Variants in EPHA6 observed in about 807,000 individuals in gnomAD.
The protein encoded by EPHA6 is EPH receptor A6.
A neutral mutation model predicts 112.0 loss-of-function variants in EPHA6; 50 were observed. The observed-to-expected ratio is 0.45, with a 90% CI of 0.36 to 0.56. The LOEUF is 0.56. Among genes scored for constraint, EPHA6 ranks in the 20% least tolerant of loss-of-function variants. The pLI, the probability that EPHA6 is intolerant of heterozygous loss-of-function variation, is 0.00. For missense variants in EPHA6, 1,280 were observed against 1,417.4 expected, an observed-to-expected ratio of 0.90 and a Z score of 1.56; for synonymous variants, 529 against 490.7, an observed-to-expected ratio of 1.08 and a Z score of -1.03.
At chr3:97,507,849 A>G (rs2092286221) in intron 10 of EPHA6, among the ~76,000 whole-genome samples, 2 of 151,934 alleles carry the variant, frequency 1.3e-5, no homozygotes, top group Admixed American at 1.3e-4. Context: ...CTTGTTATTG[A>G]TCTATTCAGG....
intron 3 of EPHA6, among the ~76,000 whole-genome samples, chr3:97,213,793 A>G (rs2077947321): frequency 6.6e-6 from 1 of 152,164 alleles, no homozygotes; most frequent in Non-Finnish European, 1.5e-5. Context: ...TGCTTACTCT[A>G]TCCTTTCTGG....
At chr3:97,326,181 T>TA (rs1020220793) in intron 5 of EPHA6, among the ~76,000 whole-genome samples, 20 of 151,572 alleles carry the variant, frequency 1.3e-4, no homozygotes, top group African/African-American at 2.4e-4. Flanking sequence ...GCACAAAAAA[T>TA]AAAAAAAATC....
At position 96,931,018 on chromosome 3, in the gene EPHA6, A is replaced by AAAAAAAAAAAAAAAAAAAAAG. The variant is rs796531853; in HGVS notation, c.451-56309_451-56308insAAAAAAAAAAAAAAAAAGAAA. Among the ~76,000 whole-genome samples, 9 of 84,562 alleles carry AAAAAAAAAAAAAAAAAAAAAG rather than the reference A, an allele frequency of 1.1e-4. 1 individual carries two copies. The highest frequency in any genetic ancestry group is 3.8e-4 in the African/African-American group (9 of 23,662). 55.5% of individuals were successfully genotyped at this position (84,562 alleles called of 152,430 possible). A position where few individuals can be genotyped will look rare whatever the true frequency, so the allele number is the denominator to read the frequency against. ...AAAAAAAAAAAAAAAAAAAAAAAAAAAAAGAAAAGCTTTCTGGCTGCTTTT... is the reference window on the plus strand; with the variant it reads ...AAAAAAAAAAAAAAAAAAAAAAAAAAAAAAAAAAAAAAAAAAAAAAGAAAGAAAAGCTTTCTGGCTGCTTTT... On this transcript the variant is annotated intron_variant, in intron 2 of 17. Transcript: ENST00000389672.
Position 97,009,988 on chromosome 3 carries a change from T to C in EPHA6, c.1114+21995T>C, listed in dbSNP as rs1297884017. On this transcript the variant is annotated intron_variant, in intron 3 of 17. Coordinates refer to ENST00000389672, the MANE Select transcript of EPHA6 (RefSeq NM_001080448.3). Reference sequence around the variant, plus strand: ...AAGGATTCACATGCTTATCATTGTTTTTTTTTTTTTGATAGGAGCCTCCAA... The same window carrying C: ...AAGGATTCACATGCTTATCATTGTTCTTTTTTTTTTGATAGGAGCCTCCAA... 7.1e-6 allele frequency: 6 copies of C among 841,096 alleles called. No individual in the cohort carries two copies. The Admixed American group carries it at 1.4e-4, about 20-fold the overall frequency. 52.1% of individuals were successfully genotyped at this position (841,096 alleles called of 1,614,324 possible).
chr3:96,868,374 A>G lies in EPHA6; in HGVS notation c.450+1485A>G, dbSNP rs530316050. ...AGGTTAAAATAAGGAACTATTCAGT[A>G]AGGATGAAGAACTTGGGAAAGAGGC... On this transcript the variant is annotated intron_variant, in intron 2 of 17. Coordinates refer to ENST00000389672, the MANE Select transcript of EPHA6 (RefSeq NM_001080448.3). Among the ~76,000 whole-genome samples, 12 of 152,054 alleles carry G rather than the reference A, an allele frequency of 7.9e-5. No homozygotes were observed. In the South Asian group the frequency reaches 2.3e-3, roughly 29 times the overall value.
At chr3:97,644,182 A>G (rs1408244163) in intron 14 of EPHA6, among the ~76,000 whole-genome samples, 2 of 152,132 alleles carry the variant, frequency 1.3e-5, no homozygotes, top group Non-Finnish European at 2.9e-5. Flanking sequence ...CTGCTCCTGA[A>G]TGACTACTGG....
At chr3:97,614,711 A>G (rs1209387222) in intron 13 of EPHA6, among the ~76,000 whole-genome samples, 2 of 152,054 alleles carry the variant, frequency 1.3e-5, no homozygotes, top group East Asian at 3.9e-4. Flanking sequence ...GGTCATCTAT[A>G]AACCAAAAAT....
chr3:97,260,175 A>C (rs1482970524), intron 5 of EPHA6, among the ~76,000 whole-genome samples: 1 of 152,224 alleles, frequency 6.6e-6, no homozygotes, highest in African/African-American at 2.4e-5. Flanking sequence ...GGAGGAAAGA[A>C]AAGCTTAACT....
intron 5 of EPHA6, among the ~76,000 whole-genome samples, chr3:97,358,505 A>G (rs1421340460): frequency 6.6e-6 from 1 of 152,098 alleles, no homozygotes; most frequent in Admixed American, 6.6e-5. Context: ...CCAAACTTAC[A>G]ATTGTACTAT....
chr3:97,529,317 A>C (rs1030295698), intron 10 of EPHA6, among the ~76,000 whole-genome samples: 1 of 152,108 alleles, frequency 6.6e-6, no homozygotes, highest in Non-Finnish European at 1.5e-5. Context: ...TAATACTAGT[A>C]CCTACCTCAA....
chr3:96,954,532 G>A (rs557932910), intron 2 of EPHA6, among the ~76,000 whole-genome samples: 1 of 152,126 alleles, frequency 6.6e-6, no homozygotes, highest in Admixed American at 6.5e-5. Context: ...TCTGTGGCTT[G>A]CACCTCAGTC....
At chr3:97,268,900 C>G (rs1451190322) in intron 5 of EPHA6, among the ~76,000 whole-genome samples, 2 of 151,934 alleles carry the variant, frequency 1.3e-5, no homozygotes, top group South Asian at 4.1e-4. Flanking sequence ...CTATATTTTT[C>G]TAAAAATTAG....
chr3:97,371,200 C>A (rs181399001), intron 5 of EPHA6, among the ~76,000 whole-genome samples: 95 of 151,734 alleles, frequency 6.3e-4, no homozygotes, highest in African/African-American at 2.1e-3. Context: ...TAGATGCAAG[C>A]TTTATGTTTT....
chr3:97,040,630 A>G (rs2045279857), intron 3 of EPHA6, among the ~76,000 whole-genome samples: 1 of 152,066 alleles, frequency 6.6e-6, no homozygotes, highest in Non-Finnish European at 1.5e-5. Context: ...TGATTTTAAC[A>G]TAGCTATAAT....
chr3:97,746,709 A>C (rs2035729365), intron 16 of EPHA6, among the ~76,000 whole-genome samples: 1 of 151,848 alleles, frequency 6.6e-6, no homozygotes, highest in Admixed American at 6.6e-5. Flanking sequence ...TTGCTATATC[A>C]TTGCCTTTAA....
chr3:97,721,640 G>A (rs1199043644), intron 15 of EPHA6, among the ~76,000 whole-genome samples: 3 of 152,158 alleles, frequency 2.0e-5, no homozygotes, highest in Admixed American at 6.5e-5. Flanking sequence ...TGGCCTTAAG[G>A]ACAAAGTGCA....
At chr3:97,040,114 TATA>T (rs1172513196) in intron 3 of EPHA6, among the ~76,000 whole-genome samples, 1 of 151,372 alleles carries the variant, frequency 6.6e-6, no homozygotes, top group Admixed American at 6.6e-5. Flanking sequence ...AATGATTAAT[TATA>T]ATAATGATAG....
intron 6 of EPHA6, among the ~76,000 whole-genome samples, chr3:97,412,254 C>T (rs1217169789): frequency 6.6e-6 from 1 of 152,062 alleles, no homozygotes; most frequent in African/African-American, 2.4e-5. Context: ...TGTAGAATTT[C>T]AGTCCCAGCC....
intron 1 of EPHA6, among the ~76,000 whole-genome samples, chr3:96,830,441 A>G (rs2033989717): frequency 6.6e-6 from 1 of 152,122 alleles, no homozygotes; most frequent in Non-Finnish European, 1.5e-5. Context: ...CACCTCTCTA[A>G]GGTAAGTAAG....
Sources: gnomAD v4.1 joint callset for allele counts (sites outside exome capture counted in the v4.1 genomes callset) on GRCh38, gnomAD v4.1.1 for gene constraint, MANE v1.5 for transcripts, NCBI Gene and HGNC (gene_info 2026-07-23, HGNC 2026-07-21) for gene names.